SETD1B: variants seen among roughly 807,000 people sequenced by gnomAD.
SETD1B encodes the protein histone-lysine N-methyltransferase SETD1B.
SETD1B carries 7 observed loss-of-function variants against 148.0 expected under a neutral mutation model. The observed-to-expected ratio is 0.05, with a 90% CI of 0.03 to 0.09. The LOEUF (loss-of-function observed/expected upper bound fraction) is 0.09. SETD1B is among the 10% of genes least tolerant of loss of function. The pLI, the probability that SETD1B is intolerant of heterozygous loss-of-function variation, is 1.00. For synonymous variants in SETD1B, 1,361 were observed against 1,186.5 expected, an observed-to-expected ratio of 1.15 and a Z score of -3.02; for missense variants, 2,155 against 2,729.9, an observed-to-expected ratio of 0.79 and a Z score of 4.69.
intron 12 of SETD1B, among the ~76,000 whole-genome samples, chr12:121,824,309 C>G (rs866703002): frequency 6.6e-6 from 1 of 152,176 alleles, no homozygotes; most frequent in African/African-American, 2.4e-5. Context: ...CTCATTATCC[C>G]TGCTGTATTA....
chr12:121,798,357 C>G, the SETD1B span, among the ~76,000 whole-genome samples: 1 of 152,256 alleles, frequency 6.6e-6, no homozygotes, highest in African/African-American at 2.4e-5. Context: ...TTCCCCTTTG[C>G]CCTGAGGCAG....
the SETD1B span, chr12:121,793,426 A>C: frequency 6.6e-7 from 1 of 1,520,380 alleles, no homozygotes; most frequent in African/African-American, 1.4e-5. Flanking sequence ...CTGGGGACTG[A>C]GGGTCGGGGC....
In SETD1B at chr12:121,809,945, C is replaced by A; in HGVS notation, c.1000C>A (p.Pro334Thr). Residue 334 changes from proline to threonine, a missense_variant, in exon 6 of 17, where the codon CCC becomes ACC. Pro to Thr is a conservative substitution (Grantham distance 38). This residue lies in a region of SETD1B where 376 missense variants were observed against 385.0 expected (regional missense o/e 0.98). Coordinates refer to ENST00000604567, the MANE Select transcript of SETD1B (RefSeq NM_001353345.2). ...CGAACATCATTATGTACACAATTCTCCCGCGGTCACTGCGGTGGCCGGGGC... is the reference window on the plus strand; with the variant it reads ...CGAACATCATTATGTACACAATTCTACCGCGGTCACTGCGGTGGCCGGGGC... ...RHEHHYVHNS[P>T]AVTAVAGATA... 3 of 1,551,200 alleles carry A rather than the reference C, an allele frequency of 1.9e-6. No individual in the cohort carries two copies. The highest frequency in any genetic ancestry group is 1.7e-6 in the Non-Finnish European group (2 of 1,146,970).
At chr12:121,797,386 G>A in the SETD1B span, 16 of 447,020 alleles carry the variant, frequency 3.6e-5, no homozygotes, top group African/African-American at 8.0e-5. Flanking sequence ...CTGGGTGACC[G>A]GTGGGCGGGG....
Position 121,810,501 on chromosome 12 carries a change from A to G in SETD1B, c.1556A>G (p.Glu519Gly), listed in dbSNP as rs969596789. Residue 519 changes from glutamate to glycine, a missense_variant, in exon 6 of 17, where the codon GAG becomes GGG. This residue lies in a region of SETD1B where 295 missense variants were observed against 303.8 expected (regional missense o/e 0.97). Transcript: ENST00000604567. This position sits in a 1 kb window ranked among gnomAD's most constrained non-coding sequence, Gnocchi z 7.6. ...EQRTKLLFLR[E>G]PDSDTELQME... ...CGCACCAAGCTGCTCTTCCTGAGGGAGCCGGACTCGGACACCGAGCTGCAG... is the reference window on the plus strand; with the variant it reads ...CGCACCAAGCTGCTCTTCCTGAGGGGGCCGGACTCGGACACCGAGCTGCAG... The G allele has an allele frequency of 1.9e-6, 3 of 1,546,494 alleles. No individual in the cohort carries two copies. The African/African-American group carries it at 4.1e-5, about 21-fold the overall frequency.
rs1260662798 is a variant in SETD1B at position 121,831,982 on chromosome 12, GAC to G, written c.*1747_*1748del. ...AGATCAAGGAAATTGGTGGCAACAA[GAC>G]ACAGATGGGGTACCTGGGCACAGCG... is the stretch of plus-strand genomic sequence containing the variant. On this transcript the variant is annotated 3_prime_UTR_variant, in exon 17 of 17. Coordinates refer to ENST00000604567, the MANE Select transcript of SETD1B (RefSeq NM_001353345.2). The G allele has an allele frequency of 1.3e-5, 2 of 152,054 alleles. No homozygotes were observed. Among genetic ancestry groups the G allele is most frequent in the Non-Finnish European group, 2.9e-5 (2 of 67,998 alleles). 9.4% of individuals were successfully genotyped at this position (152,054 alleles called of 1,614,324 possible).
In SETD1B at chr12:121,810,061, A is replaced by G. The variant is rs1283878973; in HGVS notation, c.1116A>G (p.Pro372=). ...GCGGTCCCCCGTTCAAGGCTCAACC[A>G]CAGGATTCAGCCACATTTGCCCACA... ...GSSGPPFKAQ[P]QDSATFAHTP... The change falls in exon 6 of 17, where the codon CCA becomes CCG. Residue 372 remains proline (P), a synonymous_variant. Transcript: ENST00000604567. This position sits in a 1 kb window ranked among gnomAD's most constrained non-coding sequence, Gnocchi z 7.6. 6 of 1,550,038 alleles carry G rather than the reference A, an allele frequency of 3.9e-6. No homozygotes were observed. The highest frequency in any genetic ancestry group is 1.4e-5 in the African/African-American group (1 of 72,982).
At position 121,814,353 on chromosome 12, in the gene SETD1B, C is replaced by T. The variant is rs1213951661; in HGVS notation, c.2138C>T (p.Pro713Leu). The T allele has an allele frequency of 2.2e-5, 15 of 682,648 alleles. No homozygotes were observed. The highest frequency in any genetic ancestry group is 3.7e-5 in the South Asian group (2 of 53,914). The allele number at this position is 682,648 out of a possible 1,614,324, so 42.3% of individuals were successfully genotyped here. A position where few individuals can be genotyped will look rare whatever the true frequency, so the allele number is the denominator to read the frequency against. Residue 713 changes from proline to leucine, a missense_variant, in exon 7 of 17, where the codon CCG (proline) becomes CTG (leucine). Pro to Leu is a moderately conservative substitution (Grantham distance 98). Around this residue, in one of 11 missense-constraint regions of SETD1B, gnomAD observed 295 missense variants for 303.8 expected, o/e 0.97. Coordinates refer to ENST00000604567, the MANE Select transcript of SETD1B (RefSeq NM_001353345.2). ...ATGCCCCCACCGCTGCCCCCACCGC[C>T]GCCCCCACCCCCTCCAGCCCACCCT... ...FPMPPPLPPP[P>L]PPPPPAHPAV...
At chr12:121,825,141 C>G in intron 12 of SETD1B, 59 bp from the exon 13 acceptor site, 4 of 1,516,026 alleles carry the variant, frequency 2.6e-6, no homozygotes, top group Non-Finnish European at 3.6e-6. Flanking sequence ...CGGGACCAGT[C>G]TATGAAGGGA....
In SETD1B at chr12:121,819,435, C is replaced by T. The variant is rs183621866; in HGVS notation, c.3450C>T (p.Ala1150=). The change falls in exon 11 of 17, where the codon GCC becomes GCT. Residue 1150 remains alanine, a synonymous_variant. Transcript: ENST00000604567. ...CAGTGAGCATTGTAACCTCCAAGGC[C>T]GAAGCCACGTCGTCCAGTGAGAGTT... ...EETVSIVTSK[A]EATSSSESSE... is the part of the protein sequence containing the mutation. 12 of 1,552,068 alleles carry T rather than the reference C, an allele frequency of 7.7e-6. No homozygotes were observed. The highest frequency in any genetic ancestry group is 4.9e-5 in the East Asian group (2 of 40,900).
At chr12:121,819,986 T>G in intron 11 of SETD1B, 91 bp downstream of exon 11, 1 of 1,065,324 alleles carries the variant, frequency 9.4e-7, no homozygotes, top group Non-Finnish European at 1.3e-6. Flanking sequence ...GGTAGATCGC[T>G]GACCGTCCCC....
In SETD1B at chr12:121,810,592, C is replaced by T. The variant is rs952187041; in HGVS notation, c.1647C>T (p.Asn549=). ...QLSPLAPFGT[N]SQPGFRGPTP... ...CCCCACTGGCCCCCTTTGGCACCAA[C>T]TCCCAGCCAGGCTTCCGGGGCCCCA... The change falls in exon 6 of 17, where the codon AAC becomes AAT. Residue 549 remains asparagine, a synonymous_variant. Transcript: ENST00000604567. The surrounding 1 kb of genome is among the most constrained non-coding windows in gnomAD (Gnocchi z 7.6). 6.5e-7 allele frequency: 1 copy of T among 1,548,512 alleles called. No homozygotes were observed. The highest frequency in any genetic ancestry group is 8.7e-7 in the Non-Finnish European group (1 of 1,146,766).
At chr12:121,816,201 A>G (rs1165241079) in intron 7 of SETD1B, among the ~76,000 whole-genome samples, 3 of 152,064 alleles carry the variant, frequency 2.0e-5, no homozygotes, top group Non-Finnish European at 4.4e-5. Context: ...TATTTTCTCC[A>G]TAAGAGAGAA....
rs371585593 is a variant in SETD1B at position 121,816,549 on chromosome 12, A to G, written c.2716-484A>G. On this transcript the variant is annotated intron_variant, in intron 7 of 16. Coordinates refer to ENST00000604567, the MANE Select transcript of SETD1B (RefSeq NM_001353345.2). ...GGCCTCATGTGCCCTGCACCTTGCA[A>G]AGCTCTTCATGTGGCTCGTTTTGTT... is the stretch of plus-strand genomic sequence containing the variant. Among the ~76,000 whole-genome samples the G allele has an allele frequency of 2.8e-4, 43 of 152,360 alleles. No homozygotes were observed. In the South Asian group the frequency reaches 8.9e-3, roughly 32 times the overall value.
rs1299458729 is a variant in SETD1B, at chr12:121,804,142, C to T, written c.-106C>T. 1 of 150,808 alleles carries T rather than the reference C, an allele frequency of 6.6e-6. No individual in the cohort carries two copies. Among genetic ancestry groups the T allele is most frequent in the Admixed American group, 6.6e-5 (1 of 15,046 alleles). The allele number at this position is 150,808 out of a possible 1,614,324, so 9.3% of individuals were successfully genotyped here. ...GCCGCGGCGGCGGCGCCCCCCCTTC[C>T]TGGCCCCCGGTCCGGCCGCCCCGGC... On this transcript the variant is annotated 5_prime_UTR_variant, in exon 1 of 17. Coordinates refer to ENST00000604567, the MANE Select transcript of SETD1B (RefSeq NM_001353345.2). The surrounding 1 kb of genome is among the most constrained non-coding windows in gnomAD (Gnocchi z 4.6).
upstream of SETD1B, chr12:121,800,582 G>C (rs1875291594): frequency 6.6e-6 from 1 of 151,396 alleles, no homozygotes; most frequent in African/African-American, 2.4e-5. Flanking sequence ...AAAGAGGGAA[G>C]CGGTCCGGGG....
chr12:121,828,762 G>C (rs1876958477), intron 16 of SETD1B, among the ~76,000 whole-genome samples: 1 of 152,172 alleles, frequency 6.6e-6, no homozygotes, highest in Non-Finnish European at 1.5e-5. Flanking sequence ...TGTCTCTTAT[G>C]CCTGAGTTTC....
intron 10 of SETD1B, among the ~76,000 whole-genome samples, chr12:121,818,469 A>G (rs1876405046): frequency 6.6e-6 from 1 of 152,116 alleles, no homozygotes; most frequent in Admixed American, 6.6e-5. Context: ...AGGCTGAGGC[A>G]GGAGAATTGC....
At chr12:121,829,897 G>A (rs1390884284) in intron 16 of SETD1B, among the ~76,000 whole-genome samples, 169 bp from the exon 17 acceptor site, 1 of 152,122 alleles carries the variant, frequency 6.6e-6, no homozygotes, top group African/African-American at 2.4e-5. Context: ...TCAGAGGCAA[G>A]GGGTCACCCC....
Sources: gnomAD v4.1 joint callset for allele counts (sites outside exome capture counted in the v4.1 genomes callset) on GRCh38, gnomAD v4.1.1 for gene constraint, gnomAD v4.1.1 regional missense constraint, Gnocchi (gnomAD v3.1) non-coding constraint, MANE v1.5 for transcripts, NCBI Gene and HGNC (gene_info 2026-07-23, HGNC 2026-07-21) for gene names.